Variants in ABLIM1 observed in about 807,000 individuals in gnomAD.
The protein encoded by ABLIM1 is actin-binding LIM protein 1.
ABLIM1 carries 40 observed loss-of-function variants against 107.0 expected under a neutral mutation model. The ratio of observed to expected loss-of-function variants is 0.37; its 90% CI spans 0.29 to 0.49. The LOEUF is 0.49. Ranked by LOEUF, ABLIM1 falls within the 20% of genes least tolerant of loss-of-function variation. The pLI is 0.97. For synonymous variants in ABLIM1, 357 were observed against 357.3 expected, an observed-to-expected ratio of 1.00 and a Z score of 0.01; for missense variants, 857 against 1,008.5, an observed-to-expected ratio of 0.85 and a Z score of 2.04.
chr10:114,689,455 G>A (rs557567907), upstream of ABLIM1, among the ~76,000 whole-genome samples: 25 of 143,724 alleles, frequency 1.7e-4, 1 homozygote, highest in South Asian at 2.8e-3. Context: ...TCCACCTCCC[G>A]GGTTCAAGCC....
intron 1 of ABLIM1, among the ~76,000 whole-genome samples, chr10:114,649,879 A>G (rs2079167833): frequency 6.6e-6 from 1 of 151,322 alleles, no homozygotes; most frequent in African/African-American, 2.4e-5. Flanking sequence ...TTTTTGAGAC[A>G]AAGTCTCACT....
intron 1 of ABLIM1, chr10:114,632,386 GTAAAA>G: frequency 1.0e-6 from 1 of 985,416 alleles, no homozygotes; most frequent in Non-Finnish European, 1.2e-6. Flanking sequence ...GTTCCAATAA[GTAAAA>G]CTAGTCAATG....
At chr10:114,585,672 CCAGT>C (rs1214643580) in intron 2 of ABLIM1, among the ~76,000 whole-genome samples, 1 of 152,154 alleles carries the variant, frequency 6.6e-6, no homozygotes, top group Non-Finnish European at 1.5e-5. Flanking sequence ...GCACTTTACT[CCAGT>C]CAATCTCCTC....
intron 8 of ABLIM1, among the ~76,000 whole-genome samples, chr10:114,480,155 A>G (rs1286852426): frequency 6.6e-6 from 1 of 152,244 alleles, no homozygotes; most frequent in Non-Finnish European, 1.5e-5. Context: ...GTGACATGTA[A>G]CTGATGATCC....
intron 4 of ABLIM1, among the ~76,000 whole-genome samples, chr10:114,550,659 A>G (rs1246703523): frequency 6.6e-6 from 1 of 152,144 alleles, no homozygotes; most frequent in Non-Finnish European, 1.5e-5. Flanking sequence ...CTCTTATAGT[A>G]TCATACAGAG....
At chr10:114,585,376 T>C (rs2074071759) in intron 2 of ABLIM1, among the ~76,000 whole-genome samples, 1 of 152,170 alleles carries the variant, frequency 6.6e-6, no homozygotes. Flanking sequence ...GCCATAGCTG[T>C]ATGTGTGTCT....
chr10:114,600,471 G>T (rs2075869647), intron 2 of ABLIM1, among the ~76,000 whole-genome samples: 1 of 152,160 alleles, frequency 6.6e-6, no homozygotes, highest in African/African-American at 2.4e-5. Context: ...TTTACTCTCA[G>T]TGTAAGGAAC....
At chr10:114,564,910 A>G (rs555419003) in intron 4 of ABLIM1, among the ~76,000 whole-genome samples, 1 of 152,322 alleles carries the variant, frequency 6.6e-6, no homozygotes, top group African/African-American at 2.4e-5. Context: ...TGGCCAACAC[A>G]TATGTGCTTC....
At chr10:114,490,974 A>ATGTGTGTGTGTGTGTGTGTGTGTG (rs140256636) in intron 7 of ABLIM1, among the ~76,000 whole-genome samples, 5 of 99,268 alleles carry the variant, frequency 5.0e-5, no homozygotes, top group African/African-American at 2.0e-4. Flanking sequence ...CGGCATATAT[A>ATGTGTGTGTGTGTGTGTGTGTGTG]TGTGTGTGTG....
At chr10:114,666,357 T>G (rs1406202596) in intron 1 of ABLIM1, among the ~76,000 whole-genome samples, 1 of 152,232 alleles carries the variant, frequency 6.6e-6, no homozygotes, top group Non-Finnish European at 1.5e-5. Context: ...ATATATATTA[T>G]GCATTGTTTT....
At chr10:114,733,840 G>A (rs1290358722) in intron 1 of ABLIM1, among the ~76,000 whole-genome samples, 3 of 151,806 alleles carry the variant, frequency 2.0e-5, no homozygotes, top group Admixed American at 6.6e-5. Flanking sequence ...TGAGAACCTT[G>A]CAACTTTATT....
rs556857838 is a variant in ABLIM1, at chr10:114,757,462, C to CTTCTATACT, written c.-213+10590_-213+10598dup. On this transcript the variant is annotated intron_variant, in intron 1 of 15. Coordinates refer to the ABLIM1 transcript ENST00000651092. ...CTTGATCTCCTCCCCAAATCTGCCC[C>CTTCTATACT]TTCTATACTCTTCCTCATTGCAAGA... 6.4e-4 allele frequency among the ~76,000 whole-genome samples: 97 copies of CTTCTATACT among 152,326 alleles called. 2 individuals are homozygous for CTTCTATACT. In the South Asian group the frequency reaches 0.019, roughly 30 times the overall value.
rs141419829 is a variant in ABLIM1, at chr10:114,694,245, T to C, written c.-213+73816A>G. On this transcript the variant is annotated intron_variant, in intron 1 of 15. Coordinates refer to the ABLIM1 transcript ENST00000651092. ...CACTCATAAGGTAGCAAACCACAGCTGAGCTGTGTGGGTTCTGGCCCGGGT... is the reference window on the plus strand; with the variant it reads ...CACTCATAAGGTAGCAAACCACAGCCGAGCTGTGTGGGTTCTGGCCCGGGT... 6.1e-3 allele frequency among the ~76,000 whole-genome samples: 926 copies of C among 152,318 alleles called. 9 individuals are homozygous for C. Among genetic ancestry groups the C allele is most frequent in the African/African-American group, 0.013 (558 of 41,576 alleles).
chr10:114,602,935 G>A (rs1383683179), intron 1 of ABLIM1, among the ~76,000 whole-genome samples: 1 of 152,194 alleles, frequency 6.6e-6, no homozygotes, highest in African/African-American at 2.4e-5. Flanking sequence ...CTCACCAAGA[G>A]TCTTCATTTA....
At chr10:114,665,619 G>T (rs957491451) in intron 1 of ABLIM1, among the ~76,000 whole-genome samples, 1 of 152,204 alleles carries the variant, frequency 6.6e-6, no homozygotes, top group Admixed American at 6.5e-5. Flanking sequence ...ATACTCAATT[G>T]TCATTCTTTC....
chr10:114,646,672 G>T (rs1288812554), intron 1 of ABLIM1, among the ~76,000 whole-genome samples: 1 of 152,198 alleles, frequency 6.6e-6, no homozygotes, highest in Non-Finnish European at 1.5e-5. Flanking sequence ...GTCTAATGTG[G>T]TCCTCACGAC....
the ABLIM1 span, chr10:114,778,059 G>A: frequency 6.6e-6 from 1 of 152,228 alleles, no homozygotes; most frequent in East Asian, 1.9e-4. Context: ...GTCAAAATGA[G>A]ACTTCTTTCA....
At chr10:114,695,054 G>C (rs1414085559) in intron 1 of ABLIM1, among the ~76,000 whole-genome samples, 1 of 152,198 alleles carries the variant, frequency 6.6e-6, no homozygotes. Flanking sequence ...AAGCCTGCTT[G>C]ATGGTATGTA....
intron 4 of ABLIM1, among the ~76,000 whole-genome samples, chr10:114,557,122 A>G (rs1021309469): frequency 6.6e-6 from 1 of 152,202 alleles, no homozygotes; most frequent in Admixed American, 6.5e-5. Context: ...AATACTATAC[A>G]TATTTTACAT....
Sources: allele counts gnomAD v4.1 joint callset (sites outside exome capture counted in the v4.1 genomes callset), GRCh38; gene constraint gnomAD v4.1.1; transcripts MANE v1.5; gene names NCBI Gene and HGNC (gene_info 2026-07-23, HGNC 2026-07-21).